Variants in XYLB observed in about 807,000 individuals in gnomAD.
XYLB encodes xylulose kinase.
XYLB carries 62 observed loss-of-function variants against 78.7 expected under a neutral mutation model. That is an observed-to-expected ratio of 0.79 (90% CI 0.64 to 0.97). The LOEUF is 0.97. XYLB is among the 50% of genes least tolerant of loss of function. XYLB has a pLI of 0.00. For missense variants in XYLB, 687 were observed against 676.8 expected, an observed-to-expected ratio of 1.02 and a Z score of -0.17; for synonymous variants, 245 against 247.4, an observed-to-expected ratio of 0.99 and a Z score of 0.09.
chr3:38,360,294 T>C lies in XYLB; in HGVS notation c.141-45T>C, dbSNP rs186585900. The C allele has an allele frequency of 1.7e-5, 27 of 1,574,152 alleles. No individual in the cohort carries two copies. The East Asian group carries it at 5.8e-4, about 34-fold the overall frequency. On this transcript the variant is annotated intron_variant, in intron 2 of 18. Coordinates refer to ENST00000207870, the MANE Select transcript of XYLB (RefSeq NM_005108.4). ...GGTTTCTCCTGGCTTTGCAATGGTC[T>C]GCCTGCCCTGAGGCTCTGGTCTACA...
intron 10 of XYLB, among the ~76,000 whole-genome samples, chr3:38,373,851 C>T (rs1388351885): frequency 6.6e-6 from 1 of 152,112 alleles, no homozygotes; most frequent in East Asian, 1.9e-4. Context: ...GCAATCAAGG[C>T]AGATAAAGAT....
At chr3:38,360,000 TG>T (rs1705880891) in intron 2 of XYLB, among the ~76,000 whole-genome samples, 1 of 152,194 alleles carries the variant, frequency 6.6e-6, no homozygotes, top group African/African-American at 2.4e-5. Context: ...CATCTCTGTG[TG>T]GCTGCCCCTC....
At chr3:38,421,655 A>G (rs554542623), downstream of XYLB, among the ~76,000 whole-genome samples, 1 of 152,196 alleles carries the variant, frequency 6.6e-6, no homozygotes, top group Non-Finnish European at 1.5e-5. Context: ...GCTCTGGTTC[A>G]TTCCACCTTG....
Position 38,375,198 on chromosome 3 carries a change from G to A in XYLB, c.943G>A (p.Ala315Thr), listed in dbSNP as rs372598292. The A allele has an allele frequency of 1.2e-6, 2 of 1,614,188 alleles. No individual in the cohort carries two copies. The highest frequency in any genetic ancestry group is 3.3e-4 in the Middle Eastern group (2 of 6,060). ...TCTCTGGCTCCAAGAGCCCATGCCTGCCCTGGAAGGCCACATCTTCTGCAA... is the reference window on the plus strand; with the variant it reads ...TCTCTGGCTCCAAGAGCCCATGCCTACCCTGGAAGGCCACATCTTCTGCAA... ...LFLWLQEPMP[A>T]LEGHIFCNPV... The change falls in exon 12 of 19, where the codon GCC (alanine) becomes ACC (threonine). Residue 315 changes from alanine to threonine, a missense_variant. Ala to Thr is a moderately conservative substitution (Grantham distance 58). Coordinates refer to ENST00000207870, the MANE Select transcript of XYLB (RefSeq NM_005108.4).
chr3:38,402,164 C>T (rs1365871528), intron 18 of XYLB, among the ~76,000 whole-genome samples: 3 of 152,104 alleles, frequency 2.0e-5, no homozygotes, highest in Non-Finnish European at 4.4e-5. Context: ...ACTAAATGAT[C>T]CCGAGCATAG....
intron 15 of XYLB, among the ~76,000 whole-genome samples, chr3:38,393,667 C>A (rs764777293): frequency 6.6e-6 from 1 of 152,108 alleles, no homozygotes; most frequent in Non-Finnish European, 1.5e-5. Flanking sequence ...TCTTCTTAGG[C>A]CTCTTTCCTT....
chr3:38,411,273 C>G (rs185219996), intron 18 of XYLB, among the ~76,000 whole-genome samples: 1 of 151,980 alleles, frequency 6.6e-6, no homozygotes, highest in Non-Finnish European at 1.5e-5. Flanking sequence ...TGTAAACTAT[C>G]GCAAGGACAA....
chr3:38,387,391 G>A (rs1213751324), intron 15 of XYLB, among the ~76,000 whole-genome samples: 1 of 151,228 alleles, frequency 6.6e-6, no homozygotes, highest in Non-Finnish European at 1.5e-5. Context: ...GTTTTTTTGA[G>A]ACAGAGTCTT....
the XYLB span, among the ~76,000 whole-genome samples, chr3:38,434,593 G>T: frequency 6.6e-6 from 1 of 152,080 alleles, no homozygotes; most frequent in African/African-American, 2.4e-5. Context: ...AGAAACAAAA[G>T]GACAACATTT....
intron 13 of XYLB, 45 bp from the exon 14 acceptor site, chr3:38,376,873 G>GT: frequency 6.4e-7 from 1 of 1,560,364 alleles, no homozygotes; most frequent in Non-Finnish European, 8.8e-7. Flanking sequence ...CTGATCTTTT[G>GT]TTTTTTGACT....
chr3:38,412,090 A>G (rs1028348435), intron 18 of XYLB, among the ~76,000 whole-genome samples: 37 of 151,506 alleles, frequency 2.4e-4, no homozygotes, highest in African/African-American at 8.3e-4. Flanking sequence ...TCCCAGGTTC[A>G]AGTGATTCTC....
At chr3:38,429,355 T>G in the XYLB span, among the ~76,000 whole-genome samples, 1 of 152,164 alleles carries the variant, frequency 6.6e-6, no homozygotes, top group South Asian at 2.1e-4. Context: ...CTTCTTTGTT[T>G]TAGTTTTTAG....
chr3:38,378,490 C>G (rs1373665411), intron 14 of XYLB, among the ~76,000 whole-genome samples: 1 of 152,166 alleles, frequency 6.6e-6, no homozygotes, highest in African/African-American at 2.4e-5. Context: ...AGGAAAGCAG[C>G]TGGTGGGCGG....
At chr3:38,408,816 C>T (rs796199143) in intron 18 of XYLB, among the ~76,000 whole-genome samples, 1,653 of 85,268 alleles carry the variant, frequency 0.019, no homozygotes, top group East Asian at 0.055. Flanking sequence ...GACACATACA[C>T]CCTCCCAAGA....
rs1707906179 is a variant in XYLB at position 38,397,136 on chromosome 3, G to A, written c.1415G>A (p.Gly472Asp). The A allele has an allele frequency of 7.4e-6, 12 of 1,614,052 alleles. No individual in the cohort carries two copies. The highest frequency in any genetic ancestry group is 1.1e-5 in the South Asian group (1 of 91,088). ...GACACTGCCAACTCGGCCTGTGTGG[G>A]TTCTGCATACCGAGCTTTTCATGGT... The part of the protein sequence containing the change: ...VIDTANSACV[G>D]SAYRAFHGLA... The change falls in exon 17 of 19, where the codon GGT becomes GAT. Residue 472 changes from glycine (G) to aspartate (D), a missense_variant. By Grantham distance (94) the Gly-to-Asp change is moderately conservative. Transcript: ENST00000207870.
At chr3:38,364,808 C>T (rs983222599) in intron 4 of XYLB, among the ~76,000 whole-genome samples, 3 of 152,056 alleles carry the variant, frequency 2.0e-5, no homozygotes, top group Non-Finnish European at 2.9e-5. Context: ...ATTCATCTGT[C>T]GCAAGCCTGG....
chr3:38,392,601 A>G (rs1480679406), intron 15 of XYLB, among the ~76,000 whole-genome samples: 1 of 152,004 alleles, frequency 6.6e-6, no homozygotes, highest in Non-Finnish European at 1.5e-5. Context: ...CTGGCCAATT[A>G]ATAATGATTT....
chr3:38,357,263 T>G (rs3111672), intron 2 of XYLB: 136,152 of 152,280 alleles, frequency 0.89, 61,457 homozygotes, highest in East Asian at 1. Flanking sequence ...TTACCTAAAA[T>G]TGGAATTGCG....
At position 38,372,636 on chromosome 3, in the gene XYLB, C is replaced by T; in HGVS notation, c.766-19C>T. ...GATTTACCTCAACAGAGCACCTTTG[C>T]TTTGTCCCCGTCCCTCAGGGAGCCA... On this transcript the variant is annotated intron_variant, in intron 9 of 18. Coordinates refer to ENST00000207870, the MANE Select transcript of XYLB (RefSeq NM_005108.4). 6.2e-7 allele frequency: 1 copy of T among 1,614,038 alleles called. No individual in the cohort carries two copies. The highest frequency in any genetic ancestry group is 8.5e-7 in the Non-Finnish European group (1 of 1,179,958).
Sources: allele counts gnomAD v4.1 joint callset (sites outside exome capture counted in the v4.1 genomes callset), GRCh38; gene constraint gnomAD v4.1.1; transcripts MANE v1.5; gene names NCBI Gene and HGNC (gene_info 2026-07-23, HGNC 2026-07-21).